Variants in DNAH11 observed in about 807,000 individuals in gnomAD.
DNAH11 encodes dynein axonemal heavy chain 11.
In DNAH11, 442 loss-of-function variants were observed where a neutral mutation model predicts 526.0. The observed-to-expected ratio is 0.84, with a 90% CI of 0.78 to 0.91. DNAH11 has a LOEUF of 0.91. Ranked by LOEUF, DNAH11 falls within the 40% of genes least tolerant of loss-of-function variation. The pLI, the probability that DNAH11 is intolerant of heterozygous loss-of-function variation, is 0.00. For missense variants in DNAH11, 6,989 were observed against 5,448.7 expected, an observed-to-expected ratio of 1.28 and a Z score of -8.90; for synonymous variants, 2,461 against 1,935.9, an observed-to-expected ratio of 1.27 and a Z score of -7.12.
intron 55 of DNAH11, among the ~76,000 whole-genome samples, chr7:21,767,704 A>G (rs1277686416): frequency 6.6e-6 from 1 of 152,238 alleles, no homozygotes; most frequent in African/African-American, 2.4e-5. Flanking sequence ...GCGCAGGAGC[A>G]ATAATTATAA....
chr7:21,617,498 T>G, intron 22 of DNAH11, 121 bp from the exon 23 acceptor site: 2 of 1,195,758 alleles, frequency 1.7e-6, no homozygotes, highest in South Asian at 1.5e-5. Context: ...GGTCTAGGAG[T>G]TCAAATGCTT....
At chr7:21,697,237 G>T (rs908887337) in intron 35 of DNAH11, among the ~76,000 whole-genome samples, 1 of 151,932 alleles carries the variant, frequency 6.6e-6, no homozygotes, top group Non-Finnish European at 1.5e-5. Context: ...TTTTTCAAAC[G>T]TTGCTGTGAA....
rs187241712 is a variant in DNAH11 at position 21,555,412 on chromosome 7, G to C, written c.496-3390G>C. Among the ~76,000 whole-genome samples the C allele has an allele frequency of 3.9e-5, 6 of 152,338 alleles. No individual in the cohort carries two copies. The East Asian group carries it at 1.2e-3, about 29-fold the overall frequency. On this transcript the variant is annotated intron_variant, in intron 2 of 81. Transcript: ENST00000409508. Reference sequence around the variant, plus strand: ...CTCTTTCCTTTGGCCCATAGGCCTAGAATTTCTGTCTCCCATTTTTGGTCA... The same window carrying C: ...CTCTTTCCTTTGGCCCATAGGCCTACAATTTCTGTCTCCCATTTTTGGTCA...
intron 68 of DNAH11, among the ~76,000 whole-genome samples, chr7:21,855,602 A>G (rs970364976): frequency 2.0e-5 from 3 of 152,184 alleles, no homozygotes; most frequent in Non-Finnish European, 4.4e-5. Context: ...TACATTTGTT[A>G]TTGTAAGAGC....
At chr7:21,594,454 A>G (rs979163985) in intron 14 of DNAH11, among the ~76,000 whole-genome samples, 4 of 152,188 alleles carry the variant, frequency 2.6e-5, no homozygotes, top group African/African-American at 2.4e-5. Flanking sequence ...GAGAGAGACA[A>G]TAAGCAGTGA....
At chr7:21,752,489 T>C (rs761399777) in intron 54 of DNAH11, among the ~76,000 whole-genome samples, 3 of 152,192 alleles carry the variant, frequency 2.0e-5, no homozygotes, top group Non-Finnish European at 2.9e-5. Flanking sequence ...TTTAGGCAAT[T>C]ATTCTTATAT....
chr7:21,696,254 T>A (rs979823330), intron 35 of DNAH11, among the ~76,000 whole-genome samples: 2 of 152,224 alleles, frequency 1.3e-5, no homozygotes, highest in Non-Finnish European at 2.9e-5. Flanking sequence ...TATTTAACCA[T>A]ATTTCATTTG....
intron 65 of DNAH11, among the ~76,000 whole-genome samples, chr7:21,829,916 T>G (rs1009099647): frequency 7.2e-5 from 11 of 152,360 alleles, no homozygotes; most frequent in African/African-American, 2.6e-4. Context: ...CTTTGAAAAC[T>G]AGCCAAGAAA....
intron 74 of DNAH11, among the ~76,000 whole-genome samples, chr7:21,879,297 A>G (rs566622336): frequency 5.9e-5 from 9 of 152,030 alleles, no homozygotes; most frequent in South Asian, 2.1e-4. Flanking sequence ...ATTTAAAAAT[A>G]TATACAAAAA....
At chr7:21,733,554 T>G (rs114966767) in intron 45 of DNAH11, among the ~76,000 whole-genome samples, 263 of 152,350 alleles carry the variant, frequency 1.7e-3, no homozygotes, top group African/African-American at 6.0e-3. Context: ...CAACCAAGAC[T>G]GCTGAAGACC....
At chr7:21,653,685 TGGA>T (rs909161841) in intron 28 of DNAH11, among the ~76,000 whole-genome samples, 1 of 152,240 alleles carries the variant, frequency 6.6e-6, no homozygotes, top group African/African-American at 2.4e-5. Flanking sequence ...TGTACAGGGA[TGGA>T]GGAGAATAGA....
intron 15 of DNAH11, 43 bp from the exon 16 acceptor site, chr7:21,600,633 A>C (rs986822466): frequency 2.0e-6 from 3 of 1,527,014 alleles, no homozygotes; most frequent in Non-Finnish European, 2.6e-6. Context: ...TGGTAAAGTA[A>C]GGTTGGTTTG....
At chr7:21,626,972 G>T (rs547789860) in intron 25 of DNAH11, among the ~76,000 whole-genome samples, 1 of 151,902 alleles carries the variant, frequency 6.6e-6, no homozygotes, top group Admixed American at 6.6e-5. Context: ...GGATGGTCTC[G>T]ATCTCCTGAC....
chr7:21,727,866 T>C (rs1335146557), intron 45 of DNAH11, among the ~76,000 whole-genome samples: 1 of 152,212 alleles, frequency 6.6e-6, no homozygotes, highest in African/African-American at 2.4e-5. Context: ...ATGGAGACAC[T>C]GAGGGGTTTT....
At chr7:21,859,857 G>A (rs535399597) in intron 68 of DNAH11, among the ~76,000 whole-genome samples, 26 of 152,152 alleles carry the variant, frequency 1.7e-4, no homozygotes, top group Admixed American at 2.6e-4. Context: ...GGGGCATCCC[G>A]AAAGTACATG....
In DNAH11 at chr7:21,854,704, G is replaced by A. The variant is rs1021125866; in HGVS notation, c.11202+249G>A. ...ACTACAGGAGTGCGCCACCACACCTGGCTAATTTTTGTATTTTTAGTAGAG... is the reference window on the plus strand; with the variant it reads ...ACTACAGGAGTGCGCCACCACACCTAGCTAATTTTTGTATTTTTAGTAGAG... On this transcript the variant is annotated intron_variant, in intron 68 of 81. Coordinates refer to ENST00000409508, the MANE Select transcript of DNAH11 (RefSeq NM_001277115.2). Among the ~76,000 whole-genome samples, 15 of 151,986 alleles carry A rather than the reference G, an allele frequency of 9.9e-5. No homozygotes were observed. The East Asian group carries it at 2.9e-3, about 30-fold the overall frequency.
chr7:21,668,539 CTG>C (rs1392104652), intron 30 of DNAH11, among the ~76,000 whole-genome samples: 1 of 152,132 alleles, frequency 6.6e-6, no homozygotes, highest in Non-Finnish European at 1.5e-5. Context: ...TATCTCTGAC[CTG>C]TGAGTCTCAT....
chr7:21,656,943 A>G (rs1236063486), intron 29 of DNAH11, among the ~76,000 whole-genome samples: 2 of 152,174 alleles, frequency 1.3e-5, no homozygotes, highest in African/African-American at 4.8e-5. Context: ...TCTTGACAAA[A>G]GTGTGTTGCT....
rs1193597899 is a variant in DNAH11 at position 21,901,055 on chromosome 7, AG to A, written c.13354del (p.Glu4452SerfsTer34). 6.2e-7 allele frequency: 1 copy of A among 1,613,274 alleles called. No individual in the cohort carries two copies. The highest frequency in any genetic ancestry group is 2.2e-5 in the East Asian group (1 of 44,884). The part of the protein sequence containing the change: ...QAGTIVEARL[K>X]ELACPMPVIF... ...GGAACCATTGTTGAAGCCCGTCTCA[AG>A]GAGCTGGCATGCCCTATGCCGGTCA... On this transcript the variant is annotated frameshift_variant, in exon 82 of 82. Transcript: ENST00000409508. LOFTEE classifies it high-confidence loss of function.
Sources: gnomAD v4.1 joint callset for allele counts (sites outside exome capture counted in the v4.1 genomes callset) on GRCh38, gnomAD v4.1.1 for gene constraint, MANE v1.5 for transcripts, NCBI Gene and HGNC (gene_info 2026-07-23, HGNC 2026-07-21) for gene names.